Variants in PTCD2 observed in about 807,000 individuals in gnomAD.
PTCD2 encodes the protein pentatricopeptide repeat domain 2.
Under a neutral mutation model 42.6 loss-of-function variants are expected in PTCD2, and 31 were observed. The observed-to-expected ratio is 0.73, with a 90% CI of 0.55 to 0.98. PTCD2 has a LOEUF of 0.98. PTCD2 is among the 50% of genes least tolerant of loss of function. PTCD2 has a pLI of 0.00. For missense variants in PTCD2, 476 were observed against 454.8 expected, an observed-to-expected ratio of 1.05 and a Z score of -0.42; for synonymous variants, 183 against 170.9, an observed-to-expected ratio of 1.07 and a Z score of -0.55.
At chr5:72,353,245 C>A (rs1453720626) in intron 9 of PTCD2, among the ~76,000 whole-genome samples, 1 of 152,184 alleles carries the variant, frequency 6.6e-6, no homozygotes, top group Admixed American at 6.5e-5. Context: ...GCACTGGATC[C>A]CATCCTCTCT....
At chr5:72,320,776 C>T (rs1750788869) in intron 1 of PTCD2, 2 of 468,822 alleles carry the variant, frequency 4.3e-6, no homozygotes, top group South Asian at 3.1e-5. Flanking sequence ...TCTTCAGGAA[C>T]ATCCCTCCCG....
intron 9 of PTCD2, 113 bp downstream of exon 9, chr5:72,352,867 C>G (rs1580187717): frequency 5.0e-6 from 3 of 602,094 alleles, no homozygotes; most frequent in Non-Finnish European, 8.9e-6. Flanking sequence ...AATATGGCAG[C>G]TTCTCTGTTG....
At chr5:72,358,153 A>G (rs762835626) in intron 9 of PTCD2, 50 bp from the exon 10 acceptor site, 14 of 1,468,434 alleles carry the variant, frequency 9.5e-6, no homozygotes, top group Non-Finnish European at 1.3e-5. Context: ...TAGTAAGAAT[A>G]AGGAAGAAAT....
intron 9 of PTCD2, among the ~76,000 whole-genome samples, chr5:72,354,340 C>T (rs780169787): frequency 2.9e-5 from 4 of 137,542 alleles, no homozygotes; most frequent in East Asian, 2.3e-4. Flanking sequence ...GTCGAGATTG[C>T]GCCACTGCGC....
In PTCD2 at chr5:72,359,342, T is replaced by C. The variant is rs946234330; in HGVS notation, c.*915T>C. On this transcript the variant is annotated 3_prime_UTR_variant, in exon 10 of 10. Coordinates refer to ENST00000380639, the MANE Select transcript of PTCD2 (RefSeq NM_024754.5). ...TACTTATGGTCTCAAATATAGTATG[T>C]GTTGAATTTTACCGTGTCTGGTCAC... is the stretch of plus-strand genomic sequence containing the variant. The C allele has an allele frequency of 3.9e-5, 6 of 152,126 alleles. No homozygotes were observed. Among genetic ancestry groups the C allele is most frequent in the African/African-American group, 1.4e-4 (6 of 41,440 alleles). 9.4% of individuals were successfully genotyped at this position (152,126 alleles called of 1,614,324 possible). A position where few individuals can be genotyped will look rare whatever the true frequency, so the allele number is the denominator to read the frequency against.
chr5:72,345,106 C>G (rs1752292228), intron 8 of PTCD2, among the ~76,000 whole-genome samples: 1 of 152,198 alleles, frequency 6.6e-6, no homozygotes, highest in Admixed American at 6.5e-5. Flanking sequence ...GGGCTTATTT[C>G]ATCCCTACAG....
intron 2 of PTCD2, among the ~76,000 whole-genome samples, chr5:72,322,740 T>C (rs774256763): frequency 1.4e-4 from 22 of 152,218 alleles, no homozygotes; most frequent in Admixed American, 2.0e-4. Flanking sequence ...TATATATAAA[T>C]GAAATCAAAT....
Position 72,320,402 on chromosome 5 carries a change from C to G in PTCD2, c.20C>G (p.Ala7Gly). The change falls in exon 1 of 10, where the codon GCT becomes GGT. Residue 7 changes from alanine (A) to glycine (G), a missense_variant. Coordinates refer to ENST00000380639, the MANE Select transcript of PTCD2 (RefSeq NM_024754.5). MVRDSM[A>G]AAFRPSNRVL... Reference sequence around the variant, plus strand: ...GTTGGTATGGTCCGAGACAGTATGGCTGCTGCATTTCGGCCCTCGAATCGA... The same window carrying G: ...GTTGGTATGGTCCGAGACAGTATGGGTGCTGCATTTCGGCCCTCGAATCGA... 3.1e-6 allele frequency: 5 copies of G among 1,614,192 alleles called. No individual in the cohort carries two copies. The highest frequency in any genetic ancestry group is 4.2e-6 in the Non-Finnish European group (5 of 1,180,026).
At chr5:72,343,336 G>A (rs1752171965) in intron 8 of PTCD2, among the ~76,000 whole-genome samples, 1 of 152,216 alleles carries the variant, frequency 6.6e-6, no homozygotes, top group African/African-American at 2.4e-5. Context: ...GAAAGCTGTA[G>A]ATGTAGGGAG....
rs764154415 is a variant in PTCD2 at position 72,326,661 on chromosome 5, C to T, written c.270C>T (p.Ile90=). Residue 90 remains isoleucine (I), a synonymous_variant, in exon 3 of 10, where the codon ATC becomes ATT. Transcript: ENST00000380639. ...AGAAACTGACCCAGAACAAGCTCAT[C>T]TTGAAGGGGGAGTTGATAACCTTAC... The part of the protein sequence containing the change: ...LKKKLTQNKL[I]LKGELITLLH... 1 of 1,614,080 alleles carries T rather than the reference C, an allele frequency of 6.2e-7. No individual in the cohort carries two copies. The highest frequency in any genetic ancestry group is 2.2e-5 in the East Asian group (1 of 44,888).
At chr5:72,331,911 TTTTA>T (rs1458035726) in intron 4 of PTCD2, among the ~76,000 whole-genome samples, 2 of 152,250 alleles carry the variant, frequency 1.3e-5, no homozygotes, top group African/African-American at 2.4e-5. Flanking sequence ...AAATGTTTCA[TTTTA>T]TTTGTTTCTC....
rs1751037113 is a variant in PTCD2, at chr5:72,324,517, C to T, written c.221-2095C>T. On this transcript the variant is annotated intron_variant, in intron 2 of 9. Transcript: ENST00000380639. ...TGATTTCCTTACCTAGAATATCCCCCTCCTCCATTTCTCCAACCTGATTTC... is the reference window on the plus strand; with the variant it reads ...TGATTTCCTTACCTAGAATATCCCCTTCCTCCATTTCTCCAACCTGATTTC... 2.6e-5 allele frequency among the ~76,000 whole-genome samples: 4 copies of T among 152,166 alleles called. No homozygotes were observed. In the South Asian group the frequency reaches 8.3e-4, roughly 31 times the overall value.
rs887619027 is a variant in PTCD2, at chr5:72,360,174, A to G, written c.*1747A>G. On this transcript the variant is annotated 3_prime_UTR_variant, in exon 10 of 10. Coordinates refer to ENST00000380639, the MANE Select transcript of PTCD2 (RefSeq NM_024754.5). ...AAATTCTCTGCCCTCATAGAATCCT[A>G]ATTGTTTCTGTATGTGTCTGGTGTT... is the stretch of plus-strand genomic sequence containing the variant. 7 of 151,934 alleles carry G rather than the reference A, an allele frequency of 4.6e-5. No individual in the cohort carries two copies. Among genetic ancestry groups the G allele is most frequent in the Non-Finnish European group, 1.0e-4 (7 of 67,980 alleles). 9.4% of individuals were successfully genotyped at this position (151,934 alleles called of 1,614,324 possible). A position where few individuals can be genotyped will look rare whatever the true frequency, so the allele number is the denominator to read the frequency against.
chr5:72,328,061 TAGAG>T lies in PTCD2; in HGVS notation c.350+1324_350+1327del, dbSNP rs1751240556. Reference sequence around the variant, plus strand: ...TGAAAAATTGAAAAACACCAAAAAGTAGAGAGAAGTAATATGTCACAAATTCTGC... The same window carrying T: ...TGAAAAATTGAAAAACACCAAAAAGTAGAAGTAATATGTCACAAATTCTGC... On this transcript the variant is annotated intron_variant, in intron 3 of 9. Coordinates refer to ENST00000380639, the MANE Select transcript of PTCD2 (RefSeq NM_024754.5). 3.3e-5 allele frequency among the ~76,000 whole-genome samples: 5 copies of T among 152,200 alleles called. No individual in the cohort carries two copies. The South Asian group carries it at 1.0e-3, about 32-fold the overall frequency.
intron 7 of PTCD2, among the ~76,000 whole-genome samples, chr5:72,339,637 C>G (rs914213568): frequency 1.3e-4 from 19 of 151,806 alleles, no homozygotes; most frequent in Non-Finnish European, 2.5e-4. Context: ...CTTAGTCAGT[C>G]ATGAGGTGAG....
At chr5:72,335,427 G>A (rs909333621) in intron 5 of PTCD2, 8 of 210,280 alleles carry the variant, frequency 3.8e-5, no homozygotes, top group African/African-American at 2.1e-4. Context: ...CCGCAGTCCG[G>A]CCTGGGCGAC....
At chr5:72,348,165 C>G (rs1272511699) in intron 8 of PTCD2, among the ~76,000 whole-genome samples, 1 of 152,160 alleles carries the variant, frequency 6.6e-6, no homozygotes, top group East Asian at 1.9e-4. Flanking sequence ...GTTTAGTAAT[C>G]TTTTAGATTC....
At chr5:72,320,591 G>T in intron 1 of PTCD2, 82 bp downstream of exon 1, 8 of 1,566,388 alleles carry the variant, frequency 5.1e-6, no homozygotes, top group Non-Finnish European at 7.0e-6. Flanking sequence ...TCTCTGTGGA[G>T]CAGCCACAGC....
chr5:72,342,032 G>A (rs1018644732), intron 7 of PTCD2, among the ~76,000 whole-genome samples: 3 of 151,696 alleles, frequency 2.0e-5, no homozygotes, highest in Non-Finnish European at 4.4e-5. Flanking sequence ...GCAACAGAGC[G>A]AGACTCCGTC....
Sources: gnomAD v4.1 joint callset for allele counts (sites outside exome capture counted in the v4.1 genomes callset) on GRCh38, gnomAD v4.1.1 for gene constraint, MANE v1.5 for transcripts, NCBI Gene and HGNC (gene_info 2026-07-23, HGNC 2026-07-21) for gene names.